The following RANBP17 variants were observed in gnomAD, a reference collection of about 807,000 sequenced individuals.
RANBP17 encodes RAN binding protein 17.
RANBP17 carries 158 observed loss-of-function variants against 141.2 expected under a neutral mutation model. The observed-to-expected ratio is 1.12, with a 90% CI of 0.98 to 1.28. The LOEUF (loss-of-function observed/expected upper bound fraction) is 1.28. Among genes scored for constraint, RANBP17 ranks in the 50% most tolerant of loss-of-function variants. The pLI is 0.00. For synonymous variants in RANBP17, 430 were observed against 450.0 expected (o/e 0.96, Z 0.56); for missense variants, 1,438 against 1,290.7 (o/e 1.11, Z -1.75).
At chr5:171,068,881 C>A (rs903855575) in intron 14 of RANBP17, among the ~76,000 whole-genome samples, 2 of 152,198 alleles carry the variant, frequency 1.3e-5, no homozygotes, top group Admixed American at 1.3e-4. Flanking sequence ...GCCACCACAC[C>A]CAGCTGGTGC....
rs36093805 is a variant in RANBP17, at chr5:171,254,246, CAA to C, written c.2777-11417_2777-11416del. On this transcript the variant is annotated intron_variant, in intron 24 of 27. Coordinates refer to ENST00000523189, the MANE Select transcript of RANBP17 (RefSeq NM_022897.5). ...TGGGCAACAGAGCGAGACTCTGTCT[CAA>C]AAAAAAAAAAAAAAAAATTCCTGTA... is the stretch of plus-strand genomic sequence containing the variant. Among the ~76,000 whole-genome samples the C allele has an allele frequency of 9.6e-3, 1,104 of 115,000 alleles. 8 individuals are homozygous for C. Among genetic ancestry groups the C allele is most frequent in the Middle Eastern group, 0.013 (3 of 234 alleles). The allele number at this position is 115,000 out of a possible 152,430, so 75.4% of individuals were successfully genotyped here. A position where few individuals can be genotyped will look rare whatever the true frequency, so the allele number is the denominator to read the frequency against.
At chr5:171,007,477 A>G (rs1022597732) in intron 14 of RANBP17, among the ~76,000 whole-genome samples, 6 of 152,164 alleles carry the variant, frequency 3.9e-5, no homozygotes, top group African/African-American at 1.4e-4. Flanking sequence ...GAAGGAAGTG[A>G]GAGGTCAGAT....
chr5:171,252,687 T>C, intron 24 of RANBP17: 1 of 1,452,228 alleles, frequency 6.9e-7, no homozygotes, highest in Non-Finnish European at 9.7e-7. Context: ...CTTCAGGTGA[T>C]GCCACCAATC....
At position 171,006,040 on chromosome 5, in the gene RANBP17, A is replaced by T. The variant is rs945346380; in HGVS notation, c.1710+37663A>T. ...TCAGAGAAATGCAAATCAAAACCAC[A>T]ATGAGATACCATCTCACACCAGTTA... is the stretch of plus-strand genomic sequence containing the variant. On this transcript the variant is annotated intron_variant, in intron 14 of 27. Coordinates refer to ENST00000523189, the MANE Select transcript of RANBP17 (RefSeq NM_022897.5). Among the ~76,000 whole-genome samples the T allele has an allele frequency of 5.9e-5, 9 of 152,112 alleles. 1 individual carries two copies. Among genetic ancestry groups the T allele is most frequent in the Non-Finnish European group, 2.9e-5 (2 of 67,974 alleles).
intron 14 of RANBP17, among the ~76,000 whole-genome samples, chr5:171,101,039 A>G (rs1266960071): frequency 6.6e-6 from 1 of 152,188 alleles, no homozygotes; most frequent in African/African-American, 2.4e-5. Flanking sequence ...CAATTTTAGA[A>G]TAAGTGTGAT....
intron 13 of RANBP17, among the ~76,000 whole-genome samples, chr5:170,955,586 A>ATATATATGCTCAGTCTGTGTG: frequency 2.2e-5 from 1 of 44,870 alleles, no homozygotes; most frequent in African/African-American, 9.2e-5. Context: ...CTGTGTGTAT[A>ATATATATGCTCAGTCTGTGTG]TATATATATA....
At chr5:170,899,289 A>G (rs1282539055) in intron 5 of RANBP17, among the ~76,000 whole-genome samples, 2 of 152,100 alleles carry the variant, frequency 1.3e-5, no homozygotes, top group African/African-American at 4.8e-5. Flanking sequence ...TCAATTGTGA[A>G]TGGGAGTTCA....
At chr5:171,093,649 G>C (rs1179251858) in intron 14 of RANBP17, among the ~76,000 whole-genome samples, 1 of 152,144 alleles carries the variant, frequency 6.6e-6, no homozygotes, top group Non-Finnish European at 1.5e-5. Flanking sequence ...AATGACTACA[G>C]AAATTTATTG....
intron 14 of RANBP17, among the ~76,000 whole-genome samples, chr5:171,024,785 T>A (rs973528261): frequency 3.3e-5 from 5 of 151,834 alleles, no homozygotes; most frequent in Admixed American, 1.3e-4. Flanking sequence ...GTTTCATGTC[T>A]GTCTTCTCCC....
At chr5:171,236,304 T>C (rs544853994) in intron 22 of RANBP17, among the ~76,000 whole-genome samples, 41 of 152,364 alleles carry the variant, frequency 2.7e-4, no homozygotes, top group African/African-American at 9.1e-4. Flanking sequence ...TTGATTGCTT[T>C]GTAAGCCAAG....
At chr5:171,088,292 C>A (rs1298820505) in intron 14 of RANBP17, among the ~76,000 whole-genome samples, 1 of 151,892 alleles carries the variant, frequency 6.6e-6, no homozygotes, top group Non-Finnish European at 1.5e-5. Flanking sequence ...GAATATTGGC[C>A]CCCACTCTTC....
intron 14 of RANBP17, among the ~76,000 whole-genome samples, chr5:171,070,125 C>T (rs1381190493): frequency 6.6e-6 from 1 of 152,108 alleles, no homozygotes; most frequent in Non-Finnish European, 1.5e-5. Context: ...TTCTATAGGT[C>T]AGACTAAGCA....
chr5:171,264,344 A>G (rs1766528671), intron 24 of RANBP17, among the ~76,000 whole-genome samples: 1 of 152,120 alleles, frequency 6.6e-6, no homozygotes, highest in South Asian at 2.1e-4. Context: ...ACTGCCACTA[A>G]GGAACTTATT....
chr5:171,078,625 G>A lies in RANBP17; in HGVS notation c.1711-91505G>A, dbSNP rs541427231. On this transcript the variant is annotated intron_variant, in intron 14 of 27. Coordinates refer to ENST00000523189, the MANE Select transcript of RANBP17 (RefSeq NM_022897.5). ...AGCTGGTGGCTTTAAGTTGAAGCCA[G>A]TGCTCACTTACCACCTGAAAATCCT... Among the ~76,000 whole-genome samples, 9 of 152,286 alleles carry A rather than the reference G, an allele frequency of 5.9e-5. 1 individual carries two copies. The South Asian group carries it at 1.9e-3, about 32-fold the overall frequency.
Position 171,089,256 on chromosome 5 carries a change from C to T in RANBP17, c.1711-80874C>T, listed in dbSNP as rs1426698468. ...GTGTGCCCCTGCTGGGGGGGGCCTC[C>T]CAGTTAGGCTGCTCGGGGGTCACGG... On this transcript the variant is annotated intron_variant, in intron 14 of 27. Coordinates refer to ENST00000523189, the MANE Select transcript of RANBP17 (RefSeq NM_022897.5). 2.2e-4 allele frequency among the ~76,000 whole-genome samples: 23 copies of T among 102,488 alleles called. 2 individuals are homozygous for T. The highest frequency in any genetic ancestry group is 2.9e-4 in the Admixed American group (3 of 10,236). The allele number at this position is 102,488 out of a possible 152,430, so 67.2% of individuals were successfully genotyped here. A position where few individuals can be genotyped will look rare whatever the true frequency, so the allele number is the denominator to read the frequency against.
rs760737405 is a variant in RANBP17, at chr5:170,910,968, G to T, written c.595-1G>T. The T allele has an allele frequency of 6.2e-7, 1 of 1,609,066 alleles. No individual in the cohort carries two copies. Among genetic ancestry groups the T allele is most frequent in the Non-Finnish European group, 8.5e-7 (1 of 1,177,678 alleles). On this transcript the variant is annotated splice_acceptor_variant, in intron 6 of 27. Coordinates refer to ENST00000523189, the MANE Select transcript of RANBP17 (RefSeq NM_022897.5). LOFTEE classifies it high-confidence loss of function. ...TTTCTTTGATTTTGTACTTTTTTCA[G>T]GTGTTTGCCAAACCTTTAAATCTTC...
At chr5:171,048,193 G>A (rs969213808) in intron 14 of RANBP17, among the ~76,000 whole-genome samples, 1 of 152,032 alleles carries the variant, frequency 6.6e-6, no homozygotes, top group African/African-American at 2.4e-5. Flanking sequence ...TTCCCACGTA[G>A]CTGGGACCAC....
chr5:171,181,188 GCCAGAAAAAC>G (rs2043776571), intron 16 of RANBP17, among the ~76,000 whole-genome samples: 1 of 152,042 alleles, frequency 6.6e-6, no homozygotes, highest in Non-Finnish European at 1.5e-5. Flanking sequence ...CCTGCAGCCT[GCCAGAAAAAC>G]CCAGTGCTTT....
Position 170,968,276 on chromosome 5 carries a change from T to G in RANBP17, c.1609T>G (p.Leu537Val). ...GCTTATATCTTTAATGGATACCGGA[T>G]TGCCTCGATGTTGTAATGAGAAAAT... ...FQLISLMDTG[L>V]PRCCNEKIEL... Residue 537 changes from leucine to valine, a missense_variant, in exon 14 of 28, where the codon TTG becomes GTG. By Grantham distance (32) the Leu-to-Val change is conservative. Transcript: ENST00000523189. The G allele has an allele frequency of 1.9e-6, 3 of 1,601,596 alleles. No individual in the cohort carries two copies. The East Asian group carries it at 6.7e-5, about 36-fold the overall frequency.
Sources: allele counts gnomAD v4.1 joint callset (sites outside exome capture counted in the v4.1 genomes callset), GRCh38; gene constraint gnomAD v4.1.1; transcripts MANE v1.5; gene names NCBI Gene and HGNC (gene_info 2026-07-23, HGNC 2026-07-21).